KLF18: variants seen among roughly 807,000 people sequenced by gnomAD.
KLF18 encodes Kruppel-like factor 18.
Position 44,138,745 on chromosome 1 carries a change from G to T in KLF18, c.2887C>A (p.Pro963Thr), listed in dbSNP as rs1413909882. 2.3e-5 allele frequency: 9 copies of T among 398,510 alleles called. No individual in the cohort carries two copies. In the South Asian group the frequency reaches 6.4e-4, roughly 28 times the overall value. The allele number at this position is 398,510 out of a possible 1,614,324, so 24.7% of individuals were successfully genotyped here. The change falls in exon 1 of 2, where the codon CCC becomes ACC. Residue 963 changes from proline to threonine, a missense_variant. By Grantham distance (38) the Pro-to-Thr change is conservative. Coordinates refer to ENST00000634670, the MANE Select transcript of KLF18 (RefSeq NM_001358438.1). ...QFWKNPEVSR[P>T]YVCTYEDCKM... ...CAGTCCTCGTAAGTGCAGACATAGG[G>T]CCTTGAAACCTCAGGATTCTTCCAG...
Position 44,139,866 on chromosome 1 carries a change from G to T in KLF18, c.1766C>A (p.Thr589Lys). ...SNQTLCGEQMTTSTSNQTLCG... is the reference protein window; with the variant it reads ...SNQTLCGEQMKTSTSNQTLCG... ...AAGGGTCTGGTTACTAGTGGAGGTCGTCATCTGCTCTCCACAGAGGGTCTG... is the reference window on the plus strand; with the variant it reads ...AAGGGTCTGGTTACTAGTGGAGGTCTTCATCTGCTCTCCACAGAGGGTCTG... Residue 589 changes from threonine to lysine, a missense_variant, in exon 1 of 2, where the codon ACG becomes AAG. Thr to Lys is a moderately conservative substitution (Grantham distance 78). Coordinates refer to ENST00000634670, the MANE Select transcript of KLF18 (RefSeq NM_001358438.1). 1 of 373,508 alleles carries T rather than the reference G, an allele frequency of 2.7e-6. No individual in the cohort carries two copies. Among genetic ancestry groups the T allele is most frequent in the Non-Finnish European group, 4.7e-6 (1 of 212,790 alleles). The allele number at this position is 373,508 out of a possible 1,614,324, so 23.1% of individuals were successfully genotyped here.
Position 44,137,867 on chromosome 1 carries a change from T to C in KLF18, c.3113A>G (p.His1038Arg). ...ICSKNFARSD[H>R]LKQHAKVHNI... ...GTGGACCTTTGCATGCTGCTTTAGG[T>C]GATCAGATCTTGCAAAATTCTTGCT... Residue 1038 changes from histidine to arginine, a missense_variant, in exon 2 of 2, where the codon CAC (histidine) becomes CGC (arginine). Coordinates refer to ENST00000634670, the MANE Select transcript of KLF18 (RefSeq NM_001358438.1). The C allele has an allele frequency of 5.0e-6, 2 of 398,556 alleles. No homozygotes were observed. The highest frequency in any genetic ancestry group is 8.8e-6 in the Non-Finnish European group (2 of 226,084). 24.7% of individuals were successfully genotyped at this position (398,556 alleles called of 1,614,324 possible).
rs1184473896 is a variant in KLF18, at chr1:44,138,831, A to T, written c.2801T>A (p.Phe934Tyr). 2.5e-6 allele frequency: 1 copy of T among 398,510 alleles called. No individual in the cohort carries two copies. The highest frequency in any genetic ancestry group is 4.4e-6 in the Non-Finnish European group (1 of 226,076). The allele number at this position is 398,510 out of a possible 1,614,324, so 24.7% of individuals were successfully genotyped here. A position where few individuals can be genotyped will look rare whatever the true frequency, so the allele number is the denominator to read the frequency against. The change falls in exon 1 of 2, where the codon TTT (phenylalanine) becomes TAT (tyrosine). Residue 934 changes from phenylalanine to tyrosine, a missense_variant. By Grantham distance (22) the Phe-to-Tyr change is conservative. Coordinates refer to ENST00000634670, the MANE Select transcript of KLF18 (RefSeq NM_001358438.1). ...TCCTTGAATCAAATGGGAACTTGAA[A>T]AGCATAGGAATCCTGGGTATGGCAA... ...SSLPYPGFLC[F>Y]SSSHLIQGQL...
Position 44,141,159 on chromosome 1 carries a change from G to T in KLF18, c.473C>A (p.Thr158Asn), listed in dbSNP as rs150249718. Reference protein sequence around the residue: ...SQLNTPSSDQTLNESQIPALL... With the variant: ...SQLNTPSSDQNLNESQIPALL... The stretch of plus-strand genomic sequence containing the variant: ...GGCTGGTATCTGACTCTCATTGAGG[G>T]TCTGGTCACTGCTTGGGGTGTTCAG... The change falls in exon 1 of 2, where the codon ACC becomes AAC. Residue 158 changes from threonine to asparagine, a missense_variant. By Grantham distance (65) the Thr-to-Asn change is moderately conservative (BLOSUM62 0). Transcript: ENST00000634670. The T allele has an allele frequency of 6.7e-4, 266 of 398,622 alleles. 1 individual carries two copies. Among genetic ancestry groups the T allele is most frequent in the African/African-American group, 4.9e-3 (240 of 48,736 alleles). 24.7% of individuals were successfully genotyped at this position (398,622 alleles called of 1,614,324 possible).
At position 44,141,089 on chromosome 1, in the gene KLF18, G is replaced by A. The variant is rs1465826658; in HGVS notation, c.543C>T (p.Leu181=). The change falls in exon 1 of 2, where the codon CTC becomes CTT. Residue 181 remains leucine, a synonymous_variant. Transcript: ENST00000634670. The stretch of plus-strand genomic sequence containing the variant: ...TACTGAAGGTCACCTGGTCCCCACA[G>A]AGAGTCTGGTTATCACTGAGGGTCT... ...QMKTLSDNQT[L]CGDQVTFSSD... 1 of 398,496 alleles carries A rather than the reference G, an allele frequency of 2.5e-6. No individual in the cohort carries two copies. Among genetic ancestry groups the A allele is most frequent in the Non-Finnish European group, 4.4e-6 (1 of 226,134 alleles). The allele number at this position is 398,496 out of a possible 1,614,324, so 24.7% of individuals were successfully genotyped here. A position where few individuals can be genotyped will look rare whatever the true frequency, so the allele number is the denominator to read the frequency against.
chr1:44,138,599 A>C, intron 1 of KLF18, 65 bp downstream of exon 1: 1 of 180,708 alleles, frequency 5.5e-6, no homozygotes, highest in Non-Finnish European at 9.1e-6. Flanking sequence ...CAGCAATCTC[A>C]AATGCTTCCG....
In KLF18 at chr1:44,140,468, A is replaced by G. The variant is rs1372229218; in HGVS notation, c.1164T>C (p.Tyr388=). The change falls in exon 1 of 2, where the codon TAT becomes TAC. Residue 388 remains tyrosine (Y), a synonymous_variant. Coordinates refer to ENST00000634670, the MANE Select transcript of KLF18 (RefSeq NM_001358438.1). Reference sequence around the variant, plus strand: ...CAGTGGAGGTCATCATCTGCCCCCCATAGAGGTTCTGGTTACCAGTGGAGG... The same window carrying G: ...CAGTGGAGGTCATCATCTGCCCCCCGTAGAGGTTCTGGTTACCAGTGGAGG... ...MTTSTGNQNL[Y]GGQMMTSTGN... 4 of 315,450 alleles carry G rather than the reference A, an allele frequency of 1.3e-5. No individual in the cohort carries two copies. The highest frequency in any genetic ancestry group is 1.2e-4 in the Admixed American group (2 of 16,284). The allele number at this position is 315,450 out of a possible 1,614,324, so 19.5% of individuals were successfully genotyped here. A position where few individuals can be genotyped will look rare whatever the true frequency, so the allele number is the denominator to read the frequency against.
intron 1 of KLF18, among the ~76,000 whole-genome samples, chr1:44,138,284 G>T (rs551740456): frequency 2.6e-5 from 4 of 152,272 alleles, no homozygotes; most frequent in Admixed American, 2.0e-4. Context: ...GCAAGTTAGT[G>T]GGGGGAATAA....
In KLF18 at chr1:44,141,626, A is replaced by G. The variant is rs186877783; in HGVS notation, c.6T>C (p.Asp2=). The G allele has an allele frequency of 1.2e-3, 488 of 398,628 alleles. No individual in the cohort carries two copies. The highest frequency in any genetic ancestry group is 1.8e-3 in the Non-Finnish European group (411 of 226,098). The allele number at this position is 398,628 out of a possible 1,614,324, so 24.7% of individuals were successfully genotyped here. ...CCTCAATTGCCTGGAGAAGACTGGAATCCATCTCTTTGATGTTGCCTGATG... is the reference window on the plus strand; with the variant it reads ...CCTCAATTGCCTGGAGAAGACTGGAGTCCATCTCTTTGATGTTGCCTGATG... M[D]SSLLQAIEEI... is the part of the protein sequence containing the mutation. The change falls in exon 1 of 2, where the codon GAT becomes GAC. Residue 2 remains aspartate (D), a synonymous_variant. Coordinates refer to ENST00000634670, the MANE Select transcript of KLF18 (RefSeq NM_001358438.1).
Position 44,140,967 on chromosome 1 carries a change from C to T in KLF18, c.665G>A (p.Gly222Glu). Residue 222 changes from glycine (G) to glutamate (E), a missense_variant, in exon 1 of 2, where the codon GGG becomes GAG. By Grantham distance (98) the Gly-to-Glu change is moderately conservative. Coordinates refer to ENST00000634670, the MANE Select transcript of KLF18 (RefSeq NM_001358438.1). ...QMTTSLDLYG[G>E]QMMTSIDNQT... ...GTTATCAATGGAAGTCATCATTTGC[C>T]CTCCATAGAGGTCTAGACTGGTTGT... The T allele has an allele frequency of 2.5e-6, 1 of 398,610 alleles. No individual in the cohort carries two copies. Among genetic ancestry groups the T allele is most frequent in the African/African-American group, 2.1e-5 (1 of 48,690 alleles). 24.7% of individuals were successfully genotyped at this position (398,610 alleles called of 1,614,324 possible).
chr1:44,138,451 C>A (rs1643188686), intron 1 of KLF18, among the ~76,000 whole-genome samples: 2 of 152,300 alleles, frequency 1.3e-5, no homozygotes, highest in South Asian at 4.2e-4. Flanking sequence ...CTATAGCCAG[C>A]CTGGCTCTGG....
rs1479483383 is a variant in KLF18, at chr1:44,139,034, C to T, written c.2598G>A (p.Gly866=). The T allele has an allele frequency of 1.0e-5, 4 of 397,942 alleles. No homozygotes were observed. Among genetic ancestry groups the T allele is most frequent in the East Asian group, 7.1e-5 (2 of 28,036 alleles). 24.7% of individuals were successfully genotyped at this position (397,942 alleles called of 1,614,324 possible). A position where few individuals can be genotyped will look rare whatever the true frequency, so the allele number is the denominator to read the frequency against. Residue 866 remains glycine, a synonymous_variant, in exon 1 of 2, where the codon GGG becomes GGA. Coordinates refer to ENST00000634670, the MANE Select transcript of KLF18 (RefSeq NM_001358438.1). ...TSTGNQNLYG[G]QNMTSTDNQA... The stretch of plus-strand genomic sequence containing the variant: ...GGTTATCAGTGGAGGTCATATTCTG[C>T]CCCCCGTAGAGGTTCTGGTTACCAG...
In KLF18 at chr1:44,141,095, C is replaced by A; in HGVS notation, c.537G>T (p.Gln179His). Residue 179 changes from glutamine (Q) to histidine (H), a missense_variant, in exon 1 of 2, where the codon CAG becomes CAT. Coordinates refer to ENST00000634670, the MANE Select transcript of KLF18 (RefSeq NM_001358438.1). ...AGGTCACCTGGTCCCCACAGAGAGT[C>A]TGGTTATCACTGAGGGTCTTCATCT... ...GDQMKTLSDN[Q>H]TLCGDQVTFS... 2.5e-6 allele frequency: 1 copy of A among 398,594 alleles called. No individual in the cohort carries two copies. The highest frequency in any genetic ancestry group is 2.1e-5 in the African/African-American group (1 of 48,722). The allele number at this position is 398,594 out of a possible 1,614,324, so 24.7% of individuals were successfully genotyped here. A position where few individuals can be genotyped will look rare whatever the true frequency, so the allele number is the denominator to read the frequency against.
In KLF18 at chr1:44,141,109, G is replaced by C. The variant is rs1333221555; in HGVS notation, c.523C>G (p.Leu175Val). ...CCACAGAGAGTCTGGTTATCACTGA[G>C]GGTCTTCATCTGATCTCCAAGCAGG... ...PALLGDQMKT[L>V]SDNQTLCGDQ... The change falls in exon 1 of 2, where the codon CTC becomes GTC. Residue 175 changes from leucine to valine, a missense_variant. Leu to Val is a conservative substitution (Grantham distance 32). Transcript: ENST00000634670. 4.8e-5 allele frequency: 19 copies of C among 398,570 alleles called. No individual in the cohort carries two copies. In the East Asian group the frequency reaches 6.8e-4, roughly 14 times the overall value. 24.7% of individuals were successfully genotyped at this position (398,570 alleles called of 1,614,324 possible). A position where few individuals can be genotyped will look rare whatever the true frequency, so the allele number is the denominator to read the frequency against.
At position 44,140,325 on chromosome 1, in the gene KLF18, G is replaced by C; in HGVS notation, c.1307C>G (p.Thr436Ser). ...NQALCGGQMT[T>S]STGNQNLCGE... ...ACAGAGGTTCTGGTTACCAGTGGAG[G>C]TCGTCATCTGCCCTCCACAGAGGGC... Residue 436 changes from threonine (T) to serine (S), a missense_variant, in exon 1 of 2, where the codon ACC becomes AGC. Coordinates refer to ENST00000634670, the MANE Select transcript of KLF18 (RefSeq NM_001358438.1). 1 of 264,850 alleles carries C rather than the reference G, an allele frequency of 3.8e-6. No individual in the cohort carries two copies. The highest frequency in any genetic ancestry group is 6.3e-6 in the Non-Finnish European group (1 of 159,852). 16.4% of individuals were successfully genotyped at this position (264,850 alleles called of 1,614,324 possible).
In KLF18 at chr1:44,140,582, C is replaced by T. The variant is rs2429057; in HGVS notation, c.1050G>A (p.Met350Ile). 0.61 allele frequency: 155,455 copies of T among 253,620 alleles called. 47,575 individuals carry two copies. The highest frequency in any genetic ancestry group is 0.8 in the African/African-American group (8,561 of 10,664). The allele number at this position is 253,620 out of a possible 1,614,324, so 15.7% of individuals were successfully genotyped here. The change falls in exon 1 of 2, where the codon ATG becomes ATA. Residue 350 changes from methionine (M) to isoleucine (I), a missense_variant. Physicochemically the swap from Met to Ile is conservative, Grantham distance 10. Transcript: ENST00000634670. ...TGNQTLYWGQ[M>I]MTSTGNQNLC... ...GGTTCTGGTTACCAGTGGAGGTCAT[C>T]ATCTGCCCCCAGTAGAGGGTCTGGT...
rs1026433595 is a variant in KLF18 at position 44,141,441 on chromosome 1, G to A, written c.191C>T (p.Thr64Ile). ...QSKTMPPLGS[T>I]MMTSACTNIP... The stretch of plus-strand genomic sequence containing the variant: ...GTTAGTGCATGCAGAAGTCATCATT[G>A]TGGACCCCAAGGGAGGCATCGTCTT... Residue 64 changes from threonine to isoleucine, a missense_variant, in exon 1 of 2, where the codon ACA (threonine) becomes ATA (isoleucine). Thr to Ile is a moderately conservative substitution (Grantham distance 89). Coordinates refer to ENST00000634670, the MANE Select transcript of KLF18 (RefSeq NM_001358438.1). 7.5e-6 allele frequency: 3 copies of A among 398,522 alleles called. No individual in the cohort carries two copies. The highest frequency in any genetic ancestry group is 6.2e-5 in the African/African-American group (3 of 48,600). The allele number at this position is 398,522 out of a possible 1,614,324, so 24.7% of individuals were successfully genotyped here.
In KLF18 at chr1:44,140,653, C is replaced by T. The variant is rs1281189120; in HGVS notation, c.979G>A (p.Gly327Ser). 2.6e-6 allele frequency: 1 copy of T among 391,180 alleles called. No homozygotes were observed. The highest frequency in any genetic ancestry group is 4.5e-6 in the Non-Finnish European group (1 of 224,012). The allele number at this position is 391,180 out of a possible 1,614,324, so 24.2% of individuals were successfully genotyped here. The change falls in exon 1 of 2, where the codon GGT becomes AGT. Residue 327 changes from glycine (G) to serine (S), a missense_variant. Gly to Ser is a moderately conservative substitution (Grantham distance 56). Transcript: ENST00000634670. ...TGCCCCCCATAGAGGTTCTGGTTAC[C>T]AGTGGAGGTCGTCATCTGCCCTCCA... ...LCGGQMTTST[G>S]NQNLYGGQMM...
chr1:44,138,654 CCTCA>C lies in KLF18; in HGVS notation c.2968+6_2968+9del, dbSNP rs1160220525. The C allele has an allele frequency of 2.5e-6, 1 of 398,470 alleles. No homozygotes were observed. The highest frequency in any genetic ancestry group is 4.4e-6 in the Non-Finnish European group (1 of 226,072). 24.7% of individuals were successfully genotyped at this position (398,470 alleles called of 1,614,324 possible). A position where few individuals can be genotyped will look rare whatever the true frequency, so the allele number is the denominator to read the frequency against. Reference sequence around the variant, plus strand: ...TTGCCCCTCACCCCTGTTTCTGGGCCCTCACTCACCGGTGTGCTTGCGCATGTGG... The same window carrying C: ...TTGCCCCTCACCCCTGTTTCTGGGCCCTCACCGGTGTGCTTGCGCATGTGG... On this transcript the variant is annotated splice_donor_region_variant and intron_variant, in intron 1 of 1. Coordinates refer to ENST00000634670, the MANE Select transcript of KLF18 (RefSeq NM_001358438.1).
Sources: allele counts gnomAD v4.1 joint callset (sites outside exome capture counted in the v4.1 genomes callset), GRCh38; gene constraint gnomAD v4.1.1; transcripts MANE v1.5; gene names NCBI Gene and HGNC (gene_info 2026-07-23, HGNC 2026-07-21).